The following THEMIS variants were observed in gnomAD, a reference collection of about 807,000 sequenced individuals.
THEMIS encodes protein THEMIS.
In THEMIS, 37 loss-of-function variants were observed where a neutral mutation model predicts 52.6. The ratio of observed to expected loss-of-function variants is 0.70; its 90% CI spans 0.54 to 0.93. The LOEUF is 0.93. Ranked by LOEUF, THEMIS falls within the 40% of genes least tolerant of loss-of-function variation. THEMIS has a pLI of 0.00. For synonymous variants in THEMIS, 292 were observed against 272.7 expected (o/e 1.07, Z -0.70); for missense variants, 808 against 763.1 (o/e 1.06, Z -0.69).
chr6:127,906,001 A>T (rs1335935721), upstream of THEMIS, among the ~76,000 whole-genome samples: 1 of 145,980 alleles, frequency 6.9e-6, no homozygotes, highest in Non-Finnish European at 1.5e-5. Context: ...GAAATAATTT[A>T]AATGTAATTT....
intron 3 of THEMIS, among the ~76,000 whole-genome samples, chr6:127,815,545 C>T (rs1409959427): frequency 6.6e-6 from 1 of 151,784 alleles, no homozygotes; most frequent in East Asian, 1.9e-4. Context: ...CAGTGGTTGC[C>T]TATAGGCTAA....
Position 127,755,056 on chromosome 6 carries a change from T to A in THEMIS, c.1759-35233A>T, listed in dbSNP as rs570795687. 7.9e-5 allele frequency among the ~76,000 whole-genome samples: 12 copies of A among 152,298 alleles called. No homozygotes were observed. In the East Asian group the frequency reaches 2.3e-3, roughly 29 times the overall value. ...CTTTAAAAACTATTTGGCAGCTTAT[T>A]ATTAGGGTAAATTCTTTAAATAAAA... is the stretch of plus-strand genomic sequence containing the variant. On this transcript the variant is annotated intron_variant, in intron 4 of 5. Coordinates refer to ENST00000368248, the MANE Select transcript of THEMIS (RefSeq NM_001010923.3).
At chr6:127,820,291 T>G (rs1778293110) in intron 3 of THEMIS, among the ~76,000 whole-genome samples, 1 of 152,006 alleles carries the variant, frequency 6.6e-6, no homozygotes. Context: ...ATGAAAGGCA[T>G]GGCCACAACA....
chr6:127,876,150 C>T (rs926552638), intron 1 of THEMIS, among the ~76,000 whole-genome samples: 7 of 152,098 alleles, frequency 4.6e-5, no homozygotes, highest in Non-Finnish European at 1.0e-4. Flanking sequence ...CCTCAGTTGT[C>T]ACAGAGTGGC....
At chr6:127,820,762 C>T (rs371354063) in intron 3 of THEMIS, among the ~76,000 whole-genome samples, 1 of 151,962 alleles carries the variant, frequency 6.6e-6, no homozygotes, top group Non-Finnish European at 1.5e-5. Flanking sequence ...ATATTACTCT[C>T]TCATGTCTGC....
chr6:127,774,602 T>C (rs999627037), intron 4 of THEMIS, among the ~76,000 whole-genome samples: 6 of 152,194 alleles, frequency 3.9e-5, no homozygotes, highest in Non-Finnish European at 8.8e-5. Context: ...AGATAGCACA[T>C]ATGTACTATG....
chr6:127,874,075 G>A (rs191467113), intron 1 of THEMIS, among the ~76,000 whole-genome samples: 22 of 152,248 alleles, frequency 1.4e-4, no homozygotes, highest in African/African-American at 5.3e-4. Flanking sequence ...CTGTTTTCAA[G>A]GTTTACGGTA....
intron 1 of THEMIS, among the ~76,000 whole-genome samples, chr6:127,913,098 T>A (rs577445652): frequency 6.6e-6 from 1 of 152,314 alleles, no homozygotes; most frequent in East Asian, 1.9e-4. Context: ...GTGAACGTAA[T>A]GCTCTGCTGG....
rs1778010555 is a variant in THEMIS at position 127,813,547 on chromosome 6, A to G, written c.1094T>C (p.Leu365Pro). The change falls in exon 4 of 6, where the codon CTT becomes CCT. Residue 365 changes from leucine (L) to proline (P), a missense_variant. By Grantham distance (98) the Leu-to-Pro change is moderately conservative. Transcript: ENST00000368248. ...LEIAKSEKEP[L>P]HVVATKAFHS... ...AAACGCTTTGGTGGCCACCACGTGA[A>G]GAGGCTCCTTTTCACTCTTAGCGAT... is the stretch of plus-strand genomic sequence containing the variant. 3 of 1,613,198 alleles carry G rather than the reference A, an allele frequency of 1.9e-6. No individual in the cohort carries two copies. Among genetic ancestry groups the G allele is most frequent in the Non-Finnish European group, 1.7e-6 (2 of 1,179,732 alleles).
intron 1 of THEMIS, among the ~76,000 whole-genome samples, chr6:127,899,761 A>G (rs1166244604): frequency 1.3e-5 from 2 of 151,660 alleles, no homozygotes; most frequent in Non-Finnish European, 2.9e-5. Flanking sequence ...GCTTAGAAAT[A>G]GAGACATTGA....
chr6:127,845,035 T>C (rs889062318), intron 2 of THEMIS, among the ~76,000 whole-genome samples: 1 of 150,928 alleles, frequency 6.6e-6, no homozygotes, highest in Non-Finnish European at 1.5e-5. Flanking sequence ...GGAGTTCAGA[T>C]CCCCATTCAA....
chr6:127,734,356 T>A (rs140261904), intron 4 of THEMIS, among the ~76,000 whole-genome samples: 2 of 152,184 alleles, frequency 1.3e-5, no homozygotes, highest in African/African-American at 4.8e-5. Context: ...ATTTGTTTTG[T>A]TTTGTTTTCC....
chr6:127,770,548 C>A (rs984374387), intron 4 of THEMIS, among the ~76,000 whole-genome samples: 9 of 152,072 alleles, frequency 5.9e-5, no homozygotes, highest in Non-Finnish European at 1.3e-4. Flanking sequence ...GGGTAGATTG[C>A]AAAAATTTTC....
Position 127,725,731 on chromosome 6 carries a change from T to C in THEMIS, c.1759-5908A>G, listed in dbSNP as rs767366455. Among the ~76,000 whole-genome samples, 50 of 152,226 alleles carry C rather than the reference T, an allele frequency of 3.3e-4. 1 individual carries two copies. The highest frequency in any genetic ancestry group is 7.2e-4 in the Non-Finnish European group (49 of 68,006). On this transcript the variant is annotated intron_variant, in intron 4 of 5. Coordinates refer to ENST00000368248, the MANE Select transcript of THEMIS (RefSeq NM_001010923.3). The stretch of plus-strand genomic sequence containing the variant: ...ATCCATACATACTCAAACTGCCCTT[T>C]CTGCACAGAATGTCTTCTTTATACC...
Position 127,817,823 on chromosome 6 carries a change from T to C in THEMIS, c.710-3892A>G, listed in dbSNP as rs150838207. On this transcript the variant is annotated intron_variant, in intron 3 of 5. Coordinates refer to ENST00000368248, the MANE Select transcript of THEMIS (RefSeq NM_001010923.3). ...TGTTTAAGAGATAAAACTCCTAGGG[T>C]TGGGGAGTATGTTTAGGAGGGCCTC... Among the ~76,000 whole-genome samples, 552 of 152,108 alleles carry C rather than the reference T, an allele frequency of 3.6e-3. 5 individuals are homozygous for C. The highest frequency in any genetic ancestry group is 0.017 in the Middle Eastern group (5 of 294).
At position 127,788,156 on chromosome 6, in the gene THEMIS, T is replaced by C. The variant is rs181994491; in HGVS notation, c.1758+24727A>G. Among the ~76,000 whole-genome samples the C allele has an allele frequency of 3.2e-3, 494 of 152,304 alleles. 2 individuals are homozygous for C. The highest frequency in any genetic ancestry group is 5.5e-3 in the Non-Finnish European group (373 of 68,024). On this transcript the variant is annotated intron_variant, in intron 4 of 5. Transcript: ENST00000368248. ...TCTTTTATTTTGCGATGTTAGCAAA[T>C]GTTTACAGGGGAGACGTCTCTAAAC... is the stretch of plus-strand genomic sequence containing the variant.
intron 2 of THEMIS, among the ~76,000 whole-genome samples, chr6:127,839,358 T>A (rs1289024021): frequency 6.6e-6 from 1 of 152,162 alleles, no homozygotes; most frequent in African/African-American, 2.4e-5. Flanking sequence ...TTCTTATATG[T>A]AAGAATATAT....
In THEMIS at chr6:127,794,542, G is replaced by C. The variant is rs1480013283; in HGVS notation, c.1758+18341C>G. On this transcript the variant is annotated intron_variant, in intron 4 of 5. Transcript: ENST00000368248. ...AGGGTCTTAGTATGTTGTCCATGCT[G>C]GTCTTCTACTTCAGCACCCTGAGTA... Among the ~76,000 whole-genome samples, 5 of 152,102 alleles carry C rather than the reference G, an allele frequency of 3.3e-5. No homozygotes were observed. In the East Asian group the frequency reaches 9.6e-4, roughly 29 times the overall value.
At chr6:127,918,569 G>C (rs1490036706), upstream of THEMIS, 3 of 152,126 alleles carry the variant, frequency 2.0e-5, no homozygotes, top group Non-Finnish European at 4.4e-5. Context: ...AGAGACTAAT[G>C]CAAATATAAA....
Sources: allele counts gnomAD v4.1 joint callset (sites outside exome capture counted in the v4.1 genomes callset), GRCh38; gene constraint gnomAD v4.1.1; transcripts MANE v1.5; gene names NCBI Gene and HGNC (gene_info 2026-07-23, HGNC 2026-07-21).